The following PLA2G4E variants were observed in gnomAD, a reference collection of about 807,000 sequenced individuals.
The protein encoded by PLA2G4E is phospholipase A2 group IVE.
In PLA2G4E, 84 loss-of-function variants were observed where a neutral mutation model predicts 109.1. That is an observed-to-expected ratio of 0.77 (90% confidence interval 0.65 to 0.92). PLA2G4E has a LOEUF of 0.92. Ranked by LOEUF, PLA2G4E falls within the 40% of genes least tolerant of loss-of-function variation. The pLI, the probability that PLA2G4E is intolerant of heterozygous loss-of-function variation, is 0.00. For missense variants in PLA2G4E, 1,057 were observed against 1,076.6 expected (o/e 0.98, Z 0.25); for synonymous variants, 469 against 436.1 (o/e 1.08, Z -0.94).
intron 1 of PLA2G4E, among the ~76,000 whole-genome samples, chr15:42,021,365 G>A (rs1443978454): frequency 2.6e-5 from 4 of 151,938 alleles, no homozygotes; most frequent in African/African-American, 7.3e-5. Context: ...CATAATTTGG[G>A]AAAGCTCTAT....
intron 1 of PLA2G4E, chr15:42,050,442 C>G (rs1889486987): frequency 4.2e-6 from 6 of 1,436,836 alleles, no homozygotes. Context: ...TGCAGCAATG[C>G]AGGTGATCTT....
chr15:42,008,832 G>C (rs1362583056), intron 2 of PLA2G4E, among the ~76,000 whole-genome samples: 2 of 152,220 alleles, frequency 1.3e-5, no homozygotes, highest in Non-Finnish European at 2.9e-5. Flanking sequence ...TCCAGTGTCA[G>C]AGAGTCCTCT....
At chr15:42,007,670 T>A (rs560267183) in intron 3 of PLA2G4E, 59 bp downstream of exon 3, 44 of 1,551,694 alleles carry the variant, frequency 2.8e-5, no homozygotes, top group Non-Finnish European at 3.8e-5. Context: ...GAAGGACAAG[T>A]GGGCAAGAGG....
At chr15:42,021,374 A>G (rs1305135894) in intron 1 of PLA2G4E, among the ~76,000 whole-genome samples, 1 of 151,856 alleles carries the variant, frequency 6.6e-6, no homozygotes, top group Admixed American at 6.6e-5. Flanking sequence ...GGAAAGCTCT[A>G]TCTCTTCAGC....
At chr15:42,000,117 T>C (rs1490560701) in exon 8 of PLA2G4E, 1 of 1,589,564 alleles carries the variant, frequency 6.3e-7, no homozygotes, top group South Asian at 1.1e-5. Flanking sequence ...ACAGCTCCAG[T>C]GACTCTTGGG....
At chr15:42,018,261 G>A (rs1169543567) in intron 1 of PLA2G4E, among the ~76,000 whole-genome samples, 1 of 152,222 alleles carries the variant, frequency 6.6e-6, no homozygotes, top group African/African-American at 2.4e-5. Context: ...GCAAAGCACC[G>A]TGTCTCTGAT....
At chr15:42,012,947 G>A (rs1217739251) in intron 2 of PLA2G4E, among the ~76,000 whole-genome samples, 1 of 152,208 alleles carries the variant, frequency 6.6e-6, no homozygotes, top group Non-Finnish European at 1.5e-5. Flanking sequence ...CCAGGGGTGG[G>A]CAGTGTGGGA....
At chr15:41,986,926 C>T in intron 17 of PLA2G4E, 1 of 549,432 alleles carries the variant, frequency 1.8e-6, no homozygotes, top group Non-Finnish European at 3.3e-6. Flanking sequence ...GACTGTTGTA[C>T]AGATTCTGTA....
At chr15:41,984,293 C>G in intron 19 of PLA2G4E, 143 bp downstream of exon 19, 4 of 839,798 alleles carry the variant, frequency 4.8e-6, no homozygotes, top group Non-Finnish European at 7.3e-6. Flanking sequence ...ATGGGAGGCG[C>G]CCTTCTTTGT....
chr15:41,988,119 A>G (rs1369875363), exon 16 of PLA2G4E: 1 of 1,606,072 alleles, frequency 6.2e-7, no homozygotes, highest in Non-Finnish European at 8.5e-7. Flanking sequence ...GGTTCCAGGC[A>G]TCCAGCAGGT....
At chr15:42,005,952 A>C (rs1222028543) in intron 4 of PLA2G4E, 38 bp downstream of exon 4, 1 of 1,606,114 alleles carries the variant, frequency 6.2e-7, no homozygotes, top group Non-Finnish European at 8.5e-7. Context: ...TGAGGTTATC[A>C]TGAAGCCGGA....
intron 14 of PLA2G4E, among the ~76,000 whole-genome samples, chr15:41,989,872 AC>A (rs1004727661): frequency 6.6e-6 from 1 of 152,170 alleles, no homozygotes; most frequent in African/African-American, 2.4e-5. Context: ...TCTTCCTTTC[AC>A]AACCTTTGTC....
exon 17 of PLA2G4E, chr15:41,987,183 G>C (rs12913689): frequency 6.2e-7 from 1 of 1,613,682 alleles, no homozygotes; most frequent in African/African-American, 1.3e-5. Context: ...TTTCCACCTA[G>C]AGAACTGGCC....
intron 5 of PLA2G4E, among the ~76,000 whole-genome samples, chr15:42,003,230 T>G (rs2068439270): frequency 6.6e-6 from 1 of 152,226 alleles, no homozygotes; most frequent in African/African-American, 2.4e-5. Flanking sequence ...TTGTCAAAAT[T>G]AAGCCCAAGG....
chr15:42,049,414 G>A (rs138216932), intron 1 of PLA2G4E, among the ~76,000 whole-genome samples: 95 of 152,272 alleles, frequency 6.2e-4, no homozygotes, highest in African/African-American at 2.1e-3. Context: ...AGGGTCCCAC[G>A]TCTCAACACT....
At chr15:41,990,182 G>C (rs373533268) in exon 14 of PLA2G4E, 31 of 1,613,642 alleles carry the variant, frequency 1.9e-5, no homozygotes, top group African/African-American at 2.7e-5. Flanking sequence ...TGGGCAGGGG[G>C]TTCTGGCCGC....
At chr15:41,993,045 G>C in intron 12 of PLA2G4E, 86 bp from the exon 13 acceptor site, 1 of 1,260,718 alleles carries the variant, frequency 7.9e-7, no homozygotes, top group South Asian at 1.5e-5. Context: ...AGGTGGGCAG[G>C]CCATTGAGAA....
At chr15:42,049,124 G>A (rs924610088) in intron 1 of PLA2G4E, among the ~76,000 whole-genome samples, 11 of 152,198 alleles carry the variant, frequency 7.2e-5, no homozygotes, top group African/African-American at 2.4e-4. Flanking sequence ...CCTGCTCACC[G>A]GAGACAGGGA....
intron 2 of PLA2G4E, 98 bp downstream of exon 2, chr15:42,013,583 GCGCA>G: frequency 8.8e-7 from 1 of 1,130,386 alleles, no homozygotes; most frequent in Non-Finnish European, 1.3e-6. Flanking sequence ...ACACGTGCGC[GCGCA>G]CACACACACA....
Sources: gnomAD v4.1 joint callset for allele counts (sites outside exome capture counted in the v4.1 genomes callset) on GRCh38, gnomAD v4.1.1 for gene constraint, MANE v1.5 for transcripts, NCBI Gene and HGNC (gene_info 2026-07-23, HGNC 2026-07-21) for gene names.